The following UQCRB variants were observed in gnomAD, a reference collection of about 807,000 sequenced individuals.
UQCRB encodes ubiquinol-cytochrome c reductase binding protein.
UQCRB carries 12 observed loss-of-function variants against 19.8 expected under a neutral mutation model. The observed-to-expected ratio is 0.61, with a 90% confidence interval of 0.39 to 0.98. The LOEUF (loss-of-function observed/expected upper bound fraction) is 0.98, where lower values mean the gene tolerates loss of function less well. Ranked by LOEUF, UQCRB falls within the 50% of genes least tolerant of loss-of-function variation. The probability of loss-of-function intolerance (pLI) is 0.00; values close to 1 mark genes in which losing one functional copy is unlikely to be tolerated. For missense variants in UQCRB, 142 were observed against 131.8 expected, an observed-to-expected ratio of 1.08 and a Z score of -0.38; for synonymous variants, 39 against 42.9, an observed-to-expected ratio of 0.91 and a Z score of 0.35.
chr8:96,234,573 C>T (rs1451382306), intron 1 of UQCRB: 1 of 1,183,558 alleles, frequency 8.4e-7, no homozygotes, highest in South Asian at 1.3e-5. Context: ...AAAAAGTCTC[C>T]CCCACCCCCA....
chr8:96,233,060 A>G, intron 2 of UQCRB, 96 bp downstream of exon 2: 1 of 1,164,572 alleles, frequency 8.6e-7, no homozygotes, highest in Non-Finnish European at 1.3e-6. Context: ...TTGGAACCAC[A>G]GTAACACTTG....
In UQCRB at chr8:96,233,094, C is replaced by CA. The variant is rs373845817; in HGVS notation, c.91+61dup. 95,822 of 995,238 alleles carry CA rather than the reference C, an allele frequency of 0.096. 728 individuals are homozygous for CA. Among genetic ancestry groups the CA allele is most frequent in the African/African-American group, 0.21 (13,132 of 61,954 alleles). The allele number at this position is 995,238 out of a possible 1,614,324, so 61.7% of individuals were successfully genotyped here. ...TGCAAAAGCAATACTCTCAGAAAAACAAAAAAAAAAACAAAGAAACAACAA... is the reference window on the plus strand; with the variant it reads ...TGCAAAAGCAATACTCTCAGAAAAACAAAAAAAAAAAACAAAGAAACAACAA... On this transcript the variant is annotated intron_variant, in intron 2 of 3. Transcript: ENST00000287022.
At position 96,224,601 on chromosome 8, in the gene UQCRB, C is replaced by G. The variant is rs1809497036; in HGVS notation, c.*6454G>C. ...CAGGCTGCATCACCCTCAACAGACC[C>G]GTGTTTGTGGAGCCCCTCCGGACCT... is the stretch of plus-strand genomic sequence containing the variant. On this transcript the variant is annotated 3_prime_UTR_variant, in exon 4 of 4. Coordinates refer to ENST00000287022, the MANE Select transcript of UQCRB (RefSeq NM_006294.5). Among the ~76,000 whole-genome samples the G allele has an allele frequency of 6.6e-6, 1 of 152,166 alleles. No homozygotes were observed. Among genetic ancestry groups the G allele is most frequent in the African/African-American group, 2.4e-5 (1 of 41,446 alleles).
rs13259341 is a variant in UQCRB, at chr8:96,225,636, C to G, written c.*5419G>C. ...GCACTTCCATGCCTTTGAGCATTTC[C>G]TGCTCATTTTCTTCTGCTTGGAAAG... On this transcript the variant is annotated 3_prime_UTR_variant, in exon 4 of 4. Transcript: ENST00000287022. Among the ~76,000 whole-genome samples the G allele has an allele frequency of 3.8e-3, 584 of 151,970 alleles. 6 individuals carry two copies. Among genetic ancestry groups the G allele is most frequent in the Non-Finnish European group, 6.5e-3 (442 of 68,000 alleles).
Position 96,226,015 on chromosome 8 carries a change from G to C in UQCRB, c.*5040C>G, listed in dbSNP as rs766255917. The C allele has an allele frequency of 1.3e-5, 2 of 152,144 alleles. No homozygotes were observed. Among genetic ancestry groups the C allele is most frequent in the Non-Finnish European group, 2.9e-5 (2 of 68,026 alleles). 9.4% of individuals were successfully genotyped at this position (152,144 alleles called of 1,614,324 possible). ...AGGAGGCGCTACTGGTACCTATCGT[G>C]TAGAAGCCAGGATGCTGCTAAATAT... On this transcript the variant is annotated 3_prime_UTR_variant, in exon 4 of 4. Coordinates refer to ENST00000287022, the MANE Select transcript of UQCRB (RefSeq NM_006294.5).
At chr8:96,233,362 G>GTA (rs1809721621) in intron 1 of UQCRB, 135 bp from the exon 2 acceptor site, 1 of 712,876 alleles carries the variant, frequency 1.4e-6, no homozygotes. Flanking sequence ...AAAGTATATA[G>GTA]TATATACAGC....
Position 96,230,131 on chromosome 8 carries a change from A to G in UQCRB, c.*924T>C. ...GTCAATGTCGCTCAGGCTGAAGTGCAGTGGTGTGATCTAGGCTCACTGCAA... is the reference window on the plus strand; with the variant it reads ...GTCAATGTCGCTCAGGCTGAAGTGCGGTGGTGTGATCTAGGCTCACTGCAA... On this transcript the variant is annotated 3_prime_UTR_variant, in exon 4 of 4. Coordinates refer to ENST00000287022, the MANE Select transcript of UQCRB (RefSeq NM_006294.5). The G allele has an allele frequency of 2.2e-6, 1 of 454,128 alleles. No homozygotes were observed. Among genetic ancestry groups the G allele is most frequent in the South Asian group, 1.6e-5 (1 of 64,484 alleles). 28.1% of individuals were successfully genotyped at this position (454,128 alleles called of 1,614,324 possible). A position where few individuals can be genotyped will look rare whatever the true frequency, so the allele number is the denominator to read the frequency against.
At chr8:96,231,315 T>C (rs766435268) in intron 3 of UQCRB, 183 bp from the exon 4 acceptor site, 2 of 1,551,518 alleles carry the variant, frequency 1.3e-6, no homozygotes, top group South Asian at 1.2e-5. Flanking sequence ...GTGTGATAAG[T>C]TGCTTTGATA....
rs1456320765 is a variant in UQCRB, at chr8:96,230,296, C to G, written c.*759G>C. The stretch of plus-strand genomic sequence containing the variant: ...TTCACCATGTTGGCCAGGCTGGTCT[C>G]AAATTCCTGACTTCAGGTGACCCGC... On this transcript the variant is annotated 3_prime_UTR_variant, in exon 4 of 4. Transcript: ENST00000287022. 2.4e-6 allele frequency: 1 copy of G among 418,484 alleles called. No homozygotes were observed. 25.9% of individuals were successfully genotyped at this position (418,484 alleles called of 1,614,324 possible).
At chr8:96,232,987 G>A (rs1026229851) in intron 2 of UQCRB, 169 bp downstream of exon 2, 14 of 641,352 alleles carry the variant, frequency 2.2e-5, no homozygotes, top group Non-Finnish European at 3.7e-5. Flanking sequence ...AAAAGGAACT[G>A]GATTTAACAT....
rs543039438 is a variant in UQCRB at position 96,230,826 on chromosome 8, C to T, written c.*229G>A. The T allele has an allele frequency of 3.1e-4, 206 of 662,666 alleles. No homozygotes were observed. Among genetic ancestry groups the T allele is most frequent in the African/African-American group, 2.4e-3 (137 of 56,260 alleles). The allele number at this position is 662,666 out of a possible 1,614,324, so 41.0% of individuals were successfully genotyped here. A position where few individuals can be genotyped will look rare whatever the true frequency, so the allele number is the denominator to read the frequency against. ...AACTGATAAAGTGGCTTCTGAGCTCCAAGTAGCAGTTAAACACAACTAAAT... is the reference window on the plus strand; with the variant it reads ...AACTGATAAAGTGGCTTCTGAGCTCTAAGTAGCAGTTAAACACAACTAAAT... On this transcript the variant is annotated 3_prime_UTR_variant, in exon 4 of 4. Transcript: ENST00000287022.
rs990404896 is a variant in UQCRB, at chr8:96,224,654, C to G, written c.*6401G>C. On this transcript the variant is annotated 3_prime_UTR_variant, in exon 4 of 4. Coordinates refer to ENST00000287022, the MANE Select transcript of UQCRB (RefSeq NM_006294.5). ...CTCTTTTACCCTTCCTCACATCCAC[C>G]TCTTACACATCTAACTGATATCCAG... Among the ~76,000 whole-genome samples, 2 of 152,208 alleles carry G rather than the reference C, an allele frequency of 1.3e-5. No homozygotes were observed. Among genetic ancestry groups the G allele is most frequent in the Admixed American group, 6.5e-5 (1 of 15,278 alleles).
chr8:96,230,356 C>A lies in UQCRB; in HGVS notation c.*699G>T, dbSNP rs749243645. On this transcript the variant is annotated 3_prime_UTR_variant, in exon 4 of 4. Transcript: ENST00000287022. ...CCTCCCAAAGTGCTGGGATTACAGG[C>A]ATGAGCCACCATGCCTTGCCAATGA... 3 of 432,046 alleles carry A rather than the reference C, an allele frequency of 6.9e-6. No individual in the cohort carries two copies. The highest frequency in any genetic ancestry group is 2.0e-5 in the African/African-American group (1 of 48,958). The allele number at this position is 432,046 out of a possible 1,614,324, so 26.8% of individuals were successfully genotyped here.
In UQCRB at chr8:96,228,031, G is replaced by T. The variant is rs1349946008; in HGVS notation, c.*3024C>A. The stretch of plus-strand genomic sequence containing the variant: ...CTAGGACCACAGCTGGCAATTGGGG[G>T]TCTGAAGGCCCGACATCCCTTACGC... On this transcript the variant is annotated 3_prime_UTR_variant, in exon 4 of 4. Transcript: ENST00000287022. 4.4e-6 allele frequency: 2 copies of T among 454,082 alleles called. No individual in the cohort carries two copies. Among genetic ancestry groups the T allele is most frequent in the Non-Finnish European group, 8.8e-6 (2 of 226,790 alleles). 28.1% of individuals were successfully genotyped at this position (454,082 alleles called of 1,614,324 possible). A position where few individuals can be genotyped will look rare whatever the true frequency, so the allele number is the denominator to read the frequency against.
chr8:96,231,553 CTA>C, intron 3 of UQCRB: 1 of 1,431,884 alleles, frequency 7.0e-7, no homozygotes, highest in Non-Finnish European at 9.5e-7. Context: ...TCCTGGCTCT[CTA>C]TATTAGAGAC....
chr8:96,232,997 T>TA, intron 2 of UQCRB, 159 bp downstream of exon 2: 2 of 665,904 alleles, frequency 3.0e-6, no homozygotes, highest in Middle Eastern at 4.1e-4. Context: ...GGATTTAACA[T>TA]AATGTGATTT....
chr8:96,234,455 A>G, intron 1 of UQCRB: 1 of 1,280,272 alleles, frequency 7.8e-7, no homozygotes, highest in Non-Finnish European at 1.0e-6. Context: ...AGAGTTAGCT[A>G]ATGGGAGTTG....
rs911476785 is a variant in UQCRB at position 96,234,433 on chromosome 8, C to T, written c.19+1079G>A. ...GGGAAGCTGGCTTACAGAAGTGATC[C>T]CACCCAAGGTCAGAGTTAGCTAATG... is the stretch of plus-strand genomic sequence containing the variant. On this transcript the variant is annotated intron_variant, in intron 1 of 3. Coordinates refer to ENST00000287022, the MANE Select transcript of UQCRB (RefSeq NM_006294.5). 13 of 1,176,542 alleles carry T rather than the reference C, an allele frequency of 1.1e-5. No homozygotes were observed. In the African/African-American group the frequency reaches 1.9e-4, roughly 17 times the overall value. The allele number at this position is 1,176,542 out of a possible 1,614,324, so 72.9% of individuals were successfully genotyped here. A position where few individuals can be genotyped will look rare whatever the true frequency, so the allele number is the denominator to read the frequency against.
At chr8:96,231,719 T>G in intron 3 of UQCRB, 55 bp downstream of exon 3, 1 of 1,608,972 alleles carries the variant, frequency 6.2e-7, no homozygotes. Flanking sequence ...TTTCTCTTGT[T>G]TCTAAAACTC....
Sources: gnomAD v4.1 joint callset for allele counts (sites outside exome capture counted in the v4.1 genomes callset) on GRCh38, gnomAD v4.1.1 for gene constraint, MANE v1.5 for transcripts, NCBI Gene and HGNC (gene_info 2026-07-23, HGNC 2026-07-21) for gene names.